Variants in ATP10B observed in about 807,000 individuals in gnomAD.
The protein encoded by ATP10B is ATPase phospholipid transporting 10B (putative), also known as phospholipid-transporting ATPase VB.
In ATP10B, 122 loss-of-function variants were observed where a neutral mutation model predicts 141.2. The ratio of observed to expected loss-of-function variants is 0.86; its 90% confidence interval spans 0.75 to 1.00. The LOEUF (loss-of-function observed/expected upper bound fraction) is 1.00, where lower values mean the gene tolerates loss of function less well. ATP10B is among the 50% of genes least tolerant of loss of function. The pLI is 0.00. For missense variants in ATP10B, 1,876 were observed against 1,825.3 expected, an observed-to-expected ratio of 1.03 and a Z score of -0.51; for synonymous variants, 685 against 692.0, an observed-to-expected ratio of 0.99 and a Z score of 0.16.
At chr5:160,899,784 G>A in the ATP10B span, among the ~76,000 whole-genome samples, 4 of 152,210 alleles carry the variant, frequency 2.6e-5, no homozygotes, top group Admixed American at 6.5e-5. Flanking sequence ...TGGCTGGGAG[G>A]CTCAGGATCT....
intron 2 of ATP10B, among the ~76,000 whole-genome samples, chr5:160,748,033 C>T (rs2078100): frequency 8.2e-5 from 12 of 146,850 alleles, no homozygotes; most frequent in Non-Finnish European, 1.3e-4. Context: ...GGGGTTGTGG[C>T]GGGGAGCGCA....
chr5:160,686,402 G>A, intron 5 of ATP10B, 129 bp from the exon 6 acceptor site: 1 of 643,426 alleles, frequency 1.6e-6, no homozygotes, highest in Admixed American at 3.5e-5. Context: ...AAACATTATG[G>A]TAATGGATTT....
At chr5:160,853,019 G>T (rs919230653), upstream of ATP10B, among the ~76,000 whole-genome samples, 4 of 152,122 alleles carry the variant, frequency 2.6e-5, no homozygotes, top group Non-Finnish European at 4.4e-5. Context: ...GAGTAATTGT[G>T]AACTTTGTAT....
intron 24 of ATP10B, among the ~76,000 whole-genome samples, chr5:160,570,910 T>A (rs747479576): frequency 4.9e-4 from 75 of 152,242 alleles, no homozygotes; most frequent in Non-Finnish European, 1.0e-3. Context: ...TTCCACTGTC[T>A]TCTGGCTTCC....
chr5:160,871,043 C>T, the ATP10B span, among the ~76,000 whole-genome samples: 4 of 85,730 alleles, frequency 4.7e-5, no homozygotes, highest in Admixed American at 2.2e-4. Flanking sequence ...GAATTCATTG[C>T]CAGTAGACCT....
intron 18 of ATP10B, among the ~76,000 whole-genome samples, chr5:160,607,489 G>A (rs1757460389): frequency 6.6e-6 from 1 of 152,082 alleles, no homozygotes. Context: ...TGGTAGATAG[G>A]GTGTGTATTC....
chr5:160,715,553 A>G (rs944275911), intron 3 of ATP10B, among the ~76,000 whole-genome samples: 22 of 149,364 alleles, frequency 1.5e-4, no homozygotes, highest in African/African-American at 4.9e-4. Context: ...CCTCAGATGG[A>G]AATGCAGAAA....
rs552945822 is a variant in ATP10B at position 160,599,894 on chromosome 5, G to T, written c.3364-924C>A. On this transcript the variant is annotated intron_variant, in intron 21 of 25. Coordinates refer to ENST00000327245, the MANE Select transcript of ATP10B (RefSeq NM_025153.3). ...CTCAGTTATGTGGGGCTGAGGCACA[G>T]AGATGTGAAGGGTCTTGCAAGAAAT... Among the ~76,000 whole-genome samples the T allele has an allele frequency of 1.4e-4, 22 of 152,226 alleles. 1 individual carries two copies. The highest frequency in any genetic ancestry group is 2.9e-4 in the Non-Finnish European group (20 of 68,046).
intron 12 of ATP10B, chr5:160,634,098 G>A: frequency 1.7e-6 from 1 of 589,824 alleles, no homozygotes; most frequent in South Asian, 1.8e-5. Context: ...GCTTTGTCTG[G>A]CACCAGACAA....
intron 22 of ATP10B, among the ~76,000 whole-genome samples, chr5:160,597,177 G>T (rs184520459): frequency 6.6e-6 from 1 of 152,146 alleles, no homozygotes; most frequent in Non-Finnish European, 1.5e-5. Context: ...AAACAGCATG[G>T]TACTGGTACC....
chr5:160,832,664 G>C (rs868269557), intron 1 of ATP10B, among the ~76,000 whole-genome samples: 1 of 152,046 alleles, frequency 6.6e-6, no homozygotes, highest in Non-Finnish European at 1.5e-5. Context: ...TTGTCAAAGA[G>C]ATAAAGCTAA....
At chr5:160,848,121 CAT>C (rs1435949004) in intron 1 of ATP10B, among the ~76,000 whole-genome samples, 1 of 152,096 alleles carries the variant, frequency 6.6e-6, no homozygotes, top group Non-Finnish European at 1.5e-5. Flanking sequence ...TGTGTAAATA[CAT>C]ATTAGTTAAG....
chr5:160,759,999 G>A (rs769142910), intron 2 of ATP10B, among the ~76,000 whole-genome samples: 40 of 152,188 alleles, frequency 2.6e-4, no homozygotes, highest in Non-Finnish European at 5.3e-4. Flanking sequence ...CATGCTTACA[G>A]GGTCTTGGAC....
At chr5:160,742,261 C>T (rs1184879966) in intron 2 of ATP10B, among the ~76,000 whole-genome samples, 2 of 152,142 alleles carry the variant, frequency 1.3e-5, no homozygotes, top group Non-Finnish European at 2.9e-5. Context: ...CAAGCCTGTG[C>T]ACAGGTGTAG....
chr5:160,854,700 C>T (rs1044631829), upstream of ATP10B, among the ~76,000 whole-genome samples: 3 of 152,198 alleles, frequency 2.0e-5, no homozygotes, highest in Non-Finnish European at 4.4e-5. Flanking sequence ...ATTGCTGGGT[C>T]AAATTGTATT....
chr5:160,688,972 G>A, intron 3 of ATP10B, 29 bp from the exon 4 acceptor site: 2 of 982,510 alleles, frequency 2.0e-6, no homozygotes, highest in South Asian at 4.7e-5. Context: ...TTAAGCAGAT[G>A]GTCTGCCCAG....
chr5:160,688,833 T>A lies in ATP10B; in HGVS notation c.-94A>T. On this transcript the variant is annotated 5_prime_UTR_variant, in exon 4 of 26. It removes an upstream start codon present in the reference 5' UTR. Transcript: ENST00000327245. ...GGTTCTTTCCTAGGAAATTTGTCCA[T>A]GAGGTGACTGGGCTGTGCTACTGTC... 2.0e-6 allele frequency: 2 copies of A among 985,424 alleles called. No homozygotes were observed. Among genetic ancestry groups the A allele is most frequent in the Non-Finnish European group, 2.4e-6 (2 of 829,910 alleles). 61.0% of individuals were successfully genotyped at this position (985,424 alleles called of 1,614,324 possible). A position where few individuals can be genotyped will look rare whatever the true frequency, so the allele number is the denominator to read the frequency against.
intron 24 of ATP10B, among the ~76,000 whole-genome samples, chr5:160,584,459 C>T (rs1345538196): frequency 6.6e-6 from 1 of 152,094 alleles, no homozygotes; most frequent in African/African-American, 2.4e-5. Flanking sequence ...GAACTGCAGG[C>T]TGGAGCTGTT....
chr5:160,780,060 C>T (rs189888857), intron 2 of ATP10B, among the ~76,000 whole-genome samples: 5 of 152,288 alleles, frequency 3.3e-5, no homozygotes, highest in African/African-American at 1.2e-4. Flanking sequence ...TGTAATATTC[C>T]TTTAATGGGA....
Sources: gnomAD v4.1 joint callset for allele counts (sites outside exome capture counted in the v4.1 genomes callset) on GRCh38, gnomAD v4.1.1 for gene constraint, MANE v1.5 for transcripts, NCBI Gene and HGNC (gene_info 2026-07-23, HGNC 2026-07-21) for gene names.